UBE2G2: variants seen among roughly 807,000 people sequenced by gnomAD.
UBE2G2 encodes ubiquitin-conjugating enzyme E2 G2.
In UBE2G2, 10 loss-of-function variants were observed where a neutral mutation model predicts 23.0. The observed-to-expected ratio is 0.43, with a 90% CI of 0.27 to 0.74. The LOEUF (loss-of-function observed/expected upper bound fraction) is 0.74. Ranked by LOEUF, UBE2G2 falls within the 30% of genes least tolerant of loss-of-function variation. The pLI, the probability that UBE2G2 is intolerant of heterozygous loss-of-function variation, is 0.19. For missense variants in UBE2G2, 150 were observed against 218.3 expected, an observed-to-expected ratio of 0.69 and a Z score of 1.97; for synonymous variants, 86 against 81.3, an observed-to-expected ratio of 1.06 and a Z score of -0.31.
intron 1 of UBE2G2, among the ~76,000 whole-genome samples, chr21:44,797,714 C>CAAAAAAAAAAAAAAA (rs60369865): frequency 5.1e-5 from 2 of 39,322 alleles, no homozygotes; most frequent in African/African-American, 2.3e-4. Context: ...AACTCCGTCT[C>CAAAAAAAAAAAAAAA]AAAAAAAAAA....
At chr21:44,777,795 G>A (rs235363) in intron 3 of UBE2G2, among the ~76,000 whole-genome samples, 23,269 of 152,124 alleles carry the variant, frequency 0.15, 1,940 homozygotes, top group African/African-American at 0.2. Context: ...GCGACAGAGC[G>A]TGACTCCGTC....
chr21:44,798,378 GGACT>G, intron 1 of UBE2G2, among the ~76,000 whole-genome samples: 1 of 152,216 alleles, frequency 6.6e-6, no homozygotes, highest in Non-Finnish European at 1.5e-5. Context: ...TTTGCCACAG[GGACT>G]GACTCTTACT....
intron 3 of UBE2G2, among the ~76,000 whole-genome samples, chr21:44,781,962 T>C (rs2082960840): frequency 6.6e-6 from 1 of 152,230 alleles, no homozygotes; most frequent in Admixed American, 6.5e-5. Flanking sequence ...TTTTTAAATC[T>C]AATATATTTG....
chr21:44,796,092 T>A (rs1395651704), intron 1 of UBE2G2, among the ~76,000 whole-genome samples: 2 of 152,234 alleles, frequency 1.3e-5, no homozygotes, highest in East Asian at 3.8e-4. Flanking sequence ...AAATTTCTGT[T>A]GTGCTAAGCC....
At chr21:44,783,252 T>C (rs2082969869) in intron 3 of UBE2G2, among the ~76,000 whole-genome samples, 1 of 152,218 alleles carries the variant, frequency 6.6e-6, no homozygotes, top group South Asian at 2.1e-4. Context: ...ACAGCTGTTA[T>C]CAGACAACAG....
Position 44,769,581 on chromosome 21 carries a change from T to G in UBE2G2, c.*1796A>C, listed in dbSNP as rs2082856426. ...ATTTTTAGTGGAGACAGGGTTTCAC[T>G]GTTAGCCAGGATGGTCGCGATCTCC... On this transcript the variant is annotated 3_prime_UTR_variant, in exon 6 of 6. Transcript: ENST00000345496. 1 of 152,268 alleles carries G rather than the reference T, an allele frequency of 6.6e-6. No homozygotes were observed. The highest frequency in any genetic ancestry group is 1.5e-5 in the Non-Finnish European group (1 of 68,098). The allele number at this position is 152,268 out of a possible 1,614,324, so 9.4% of individuals were successfully genotyped here.
At chr21:44,773,864 C>T (rs2082893411) in intron 4 of UBE2G2, 177 bp from the exon 5 acceptor site, 7 of 833,932 alleles carry the variant, frequency 8.4e-6, no homozygotes, top group East Asian at 2.9e-5. Flanking sequence ...GCAGGAATCC[C>T]GGTGGGGCCT....
intron 1 of UBE2G2, among the ~76,000 whole-genome samples, chr21:44,793,388 G>T (rs568861420): frequency 6.6e-6 from 1 of 152,188 alleles, no homozygotes; most frequent in Non-Finnish European, 1.5e-5. Flanking sequence ...GGAGGGGAAA[G>T]GGTGGTCTAA....
intron 3 of UBE2G2, among the ~76,000 whole-genome samples, chr21:44,785,380 C>A (rs2082988203): frequency 6.6e-6 from 1 of 152,224 alleles, no homozygotes. Context: ...CTGTTCTATT[C>A]TCCATCCTAA....
At chr21:44,787,993 AT>A (rs782170477) in intron 2 of UBE2G2, 28 bp from the exon 3 acceptor site, 24 of 1,611,186 alleles carry the variant, frequency 1.5e-5, no homozygotes, top group Non-Finnish European at 2.0e-5. Flanking sequence ...ATTTCACAAC[AT>A]TTTAACTTTG....
At chr21:44,773,800 C>G (rs2082892298) in intron 4 of UBE2G2, 113 bp from the exon 5 acceptor site, 3 of 1,419,094 alleles carry the variant, frequency 2.1e-6, no homozygotes, top group Non-Finnish European at 2.8e-6. Flanking sequence ...AGCAACCAAG[C>G]TGTTTGCACA....
chr21:44,784,224 G>A (rs1008305617), intron 3 of UBE2G2, among the ~76,000 whole-genome samples: 3 of 152,030 alleles, frequency 2.0e-5, no homozygotes. Context: ...AGAGGAGGGA[G>A]GAGAGGAGAG....
rs782736269 is a variant in UBE2G2, at chr21:44,771,337, G to A, written c.*40C>T. ...TAAGTGTGCCGGGGGAGAATGCTGA[G>A]CTGCTTGGCGGTGTGTGCGCGCCTG... On this transcript the variant is annotated 3_prime_UTR_variant, in exon 6 of 6. Transcript: ENST00000345496. The surrounding 1 kb of genome is among the most constrained non-coding windows in gnomAD (Gnocchi z 4.6). 7.0e-6 allele frequency: 11 copies of A among 1,580,026 alleles called. No homozygotes were observed. Among genetic ancestry groups the A allele is most frequent in the Non-Finnish European group, 9.5e-6 (11 of 1,152,970 alleles).
At chr21:44,801,477 C>A in intron 1 of UBE2G2, 1 of 1,127,420 alleles carries the variant, frequency 8.9e-7, no homozygotes, top group Non-Finnish European at 1.2e-6. Context: ...ACTAACACGG[C>A]GCCGGCGCTG....
At chr21:44,798,946 G>A (rs1401678592) in intron 1 of UBE2G2, among the ~76,000 whole-genome samples, 1 of 152,174 alleles carries the variant, frequency 6.6e-6, no homozygotes, top group Non-Finnish European at 1.5e-5. Context: ...TAAGTCAAAA[G>A]TGCTCCCGGA....
intron 4 of UBE2G2, 49 bp from the exon 5 acceptor site, chr21:44,773,736 C>A: frequency 6.3e-7 from 1 of 1,592,570 alleles, no homozygotes; most frequent in Non-Finnish European, 8.5e-7. Flanking sequence ...GTGCCCGAGG[C>A]ATCGCCGCGC....
chr21:44,778,177 G>A (rs776482652), intron 3 of UBE2G2, among the ~76,000 whole-genome samples: 1 of 152,232 alleles, frequency 6.6e-6, no homozygotes, highest in Non-Finnish European at 1.5e-5. Flanking sequence ...GCTAAGAGTT[G>A]TATTTCAAAG....
At chr21:44,780,260 G>A (rs1480614814) in intron 3 of UBE2G2, among the ~76,000 whole-genome samples, 3 of 152,252 alleles carry the variant, frequency 2.0e-5, no homozygotes, top group Non-Finnish European at 2.9e-5. Context: ...CCAGACAGGA[G>A]GGCAGATGGG....
chr21:44,798,641 T>C (rs2146409604), intron 1 of UBE2G2, among the ~76,000 whole-genome samples: 1 of 152,388 alleles, frequency 6.6e-6, no homozygotes, highest in East Asian at 1.9e-4. Context: ...TCAAGTTTGA[T>C]CATGAGATTG....
Sources: gnomAD v4.1 joint callset for allele counts (sites outside exome capture counted in the v4.1 genomes callset) on GRCh38, gnomAD v4.1.1 for gene constraint, Gnocchi (gnomAD v3.1) non-coding constraint, MANE v1.5 for transcripts, NCBI Gene and HGNC (gene_info 2026-07-23, HGNC 2026-07-21) for gene names.